The following CACNA1E variants were observed in gnomAD, a reference collection of about 807,000 sequenced individuals.
CACNA1E encodes the protein voltage-dependent R-type calcium channel subunit alpha-1E.
A neutral mutation model predicts 259.2 loss-of-function variants in CACNA1E; 40 were observed. The observed-to-expected ratio is 0.15, with a 90% CI of 0.12 to 0.20. CACNA1E has a LOEUF of 0.20. Ranked by LOEUF, CACNA1E falls within the 10% of genes least tolerant of loss-of-function variation. CACNA1E has a pLI of 1.00. For missense variants in CACNA1E, 1,874 were observed against 3,040.1 expected (o/e 0.62, Z 9.02); for synonymous variants, 1,104 against 1,138.5 (o/e 0.97, Z 0.61).
At chr1:181,344,308 C>T (rs749178178) in intron 1 of CACNA1E, among the ~76,000 whole-genome samples, 6 of 152,206 alleles carry the variant, frequency 3.9e-5, no homozygotes, top group South Asian at 2.1e-4. Context: ...TACTTCCGTA[C>T]GCATTCCAGG....
At position 181,716,030 on chromosome 1, in the gene CACNA1E, C is replaced by G; in HGVS notation, c.1226-10C>G. ...TGGCCTCTCACTGGTCTTCCCTTTC[C>G]CTGATGCAGTGCTTCGAAGGGCAAC... On this transcript the variant is annotated splice_polypyrimidine_tract_variant and intron_variant, in intron 9 of 47. Transcript: ENST00000367573. The G allele has an allele frequency of 1.9e-6, 3 of 1,556,692 alleles. No individual in the cohort carries two copies. The highest frequency in any genetic ancestry group is 2.6e-6 in the Non-Finnish European group (3 of 1,148,702).
At chr1:181,742,356 T>C (rs1481333021) in intron 25 of CACNA1E, among the ~76,000 whole-genome samples, 2 of 152,202 alleles carry the variant, frequency 1.3e-5, no homozygotes, top group African/African-American at 2.4e-5. Context: ...AATGTGGGGT[T>C]GTCTGCAGGC....
At chr1:181,726,680 A>C (rs1418151192) in intron 18 of CACNA1E, among the ~76,000 whole-genome samples, 2 of 152,242 alleles carry the variant, frequency 1.3e-5, no homozygotes, top group African/African-American at 4.8e-5. Context: ...AAATCACAAG[A>C]GGACTTCAAG....
chr1:181,483,651 GCT>G lies in CACNA1E; in HGVS notation c.-91_-90del. 1 of 839,200 alleles carries G rather than the reference GCT, an allele frequency of 1.2e-6. No individual in the cohort carries two copies. Among genetic ancestry groups the G allele is most frequent in the Non-Finnish European group, 1.8e-6 (1 of 566,952 alleles). 52.0% of individuals were successfully genotyped at this position (839,200 alleles called of 1,614,324 possible). A position where few individuals can be genotyped will look rare whatever the true frequency, so the allele number is the denominator to read the frequency against. On this transcript the variant is annotated 5_prime_UTR_variant, in exon 1 of 48. An upstream open reading frame in the 5' UTR loses its in-frame stop. Coordinates refer to ENST00000367573, the MANE Select transcript of CACNA1E (RefSeq NM_001205293.3). ...TGGTCCCCGTGCTTGTCTGGATGCG[GCT>G]CTGAGTCTCCGTGTGTCTTTCTGCT...
At chr1:181,366,800 T>G (rs554157170) in intron 1 of CACNA1E, among the ~76,000 whole-genome samples, 1 of 152,178 alleles carries the variant, frequency 6.6e-6, no homozygotes, top group Non-Finnish European at 1.5e-5. Flanking sequence ...GAGTGATAGA[T>G]TAATACTGAT....
At chr1:181,689,852 T>C (rs568729291) in intron 7 of CACNA1E, among the ~76,000 whole-genome samples, 1 of 152,314 alleles carries the variant, frequency 6.6e-6, no homozygotes, top group South Asian at 2.1e-4. Flanking sequence ...TTTGTTTAAG[T>C]TCTTTGTAGA....
chr1:181,626,674 G>A (rs956065975), intron 6 of CACNA1E, among the ~76,000 whole-genome samples: 16 of 152,214 alleles, frequency 1.1e-4, no homozygotes, highest in African/African-American at 3.6e-4. Context: ...AGGAAGTATA[G>A]GTAGTGTAAG....
chr1:181,795,601 C>T (rs537555902), intron 46 of CACNA1E, among the ~76,000 whole-genome samples: 9 of 151,560 alleles, frequency 5.9e-5, no homozygotes, highest in Admixed American at 4.6e-4. Context: ...CCACCGTGCC[C>T]GGCTAATTTT....
At chr1:181,449,381 G>A (rs954815870) in intron 2 of CACNA1E, among the ~76,000 whole-genome samples, 8 of 152,110 alleles carry the variant, frequency 5.3e-5, no homozygotes, top group African/African-American at 1.4e-4. Flanking sequence ...TAATGTGATC[G>A]GCTTATGTCC....
At chr1:181,652,915 ATG>A (rs1294137442) in intron 7 of CACNA1E, among the ~76,000 whole-genome samples, 2 of 152,010 alleles carry the variant, frequency 1.3e-5, no homozygotes, top group Non-Finnish European at 2.9e-5. Context: ...TACAAACTGA[ATG>A]TGCGTAGTCC....
Position 181,569,604 on chromosome 1 carries a change from T to A in CACNA1E, c.513-8162T>A, listed in dbSNP as rs536953916. Among the ~76,000 whole-genome samples the A allele has an allele frequency of 3.9e-5, 6 of 152,382 alleles. No individual in the cohort carries two copies. In the South Asian group the frequency reaches 1.2e-3, roughly 32 times the overall value. ...CATGTGTAATTCAGTAGATTTTTGA[T>A]AGATCATAATTACTTACACATGTGG... On this transcript the variant is annotated intron_variant, in intron 3 of 47. Transcript: ENST00000367573.
In CACNA1E at chr1:181,733,536, G is replaced by T; in HGVS notation, c.3048G>T (p.Gly1016=). 1 of 1,611,944 alleles carries T rather than the reference G, an allele frequency of 6.2e-7. No homozygotes were observed. The highest frequency in any genetic ancestry group is 8.5e-7 in the Non-Finnish European group (1 of 1,178,866). Residue 1016 remains glycine (G), a synonymous_variant, in exon 21 of 48, where the codon GGG becomes GGT. Coordinates refer to ENST00000367573, the MANE Select transcript of CACNA1E (RefSeq NM_001205293.3). ...TGCCCCATCCTGAGCTGGAAGTGGG[G>T]AAGCACGTGGTGCTGACGGAGCAGG... ...LVLPHPELEV[G]KHVVLTEQEP... is the part of the protein sequence containing the mutation.
Position 181,783,671 on chromosome 1 carries a change from T to C in CACNA1E, c.5365-8T>C. 6.4e-7 allele frequency: 1 copy of C among 1,550,576 alleles called. No homozygotes were observed. The highest frequency in any genetic ancestry group is 8.8e-7 in the Non-Finnish European group (1 of 1,129,988). Reference sequence around the variant, plus strand: ...TTGCCTGCTGTTTCTTTTTTCTCTTTCACACAGAGGTTGGTCCTGATGAAC... The same window carrying C: ...TTGCCTGCTGTTTCTTTTTTCTCTTCCACACAGAGGTTGGTCCTGATGAAC... On this transcript the variant is annotated splice_region_variant and splice_polypyrimidine_tract_variant and intron_variant, in intron 39 of 47. Transcript: ENST00000367573.
intron 3 of CACNA1E, among the ~76,000 whole-genome samples, chr1:181,536,374 A>G (rs1458484989): frequency 1.3e-5 from 2 of 152,122 alleles, no homozygotes; most frequent in South Asian, 2.1e-4. Context: ...AGTTTTTCAC[A>G]TCTCAAATTC....
At position 181,779,797 on chromosome 1, in the gene CACNA1E, T is replaced by C. The variant is rs536473764; in HGVS notation, c.5268-1630T>C. Reference sequence around the variant, plus strand: ...CGCTCTCTTCACATGCACACACTCATGTATGTGTGTATATGCACATGTACA... The same window carrying C: ...CGCTCTCTTCACATGCACACACTCACGTATGTGTGTATATGCACATGTACA... On this transcript the variant is annotated intron_variant, in intron 38 of 47. Coordinates refer to ENST00000367573, the MANE Select transcript of CACNA1E (RefSeq NM_001205293.3). Among the ~76,000 whole-genome samples the C allele has an allele frequency of 2.9e-5, 4 of 139,472 alleles. No individual in the cohort carries two copies. In the South Asian group the frequency reaches 9.9e-4, roughly 34 times the overall value. The allele number at this position is 139,472 out of a possible 152,430, so 91.5% of individuals were successfully genotyped here.
chr1:181,798,874 G>A lies in CACNA1E; in HGVS notation c.*40G>A. The A allele has an allele frequency of 2.0e-6, 3 of 1,464,772 alleles. No individual in the cohort carries two copies. The highest frequency in any genetic ancestry group is 2.7e-6 in the Non-Finnish European group (3 of 1,111,356). The allele number at this position is 1,464,772 out of a possible 1,614,324, so 90.7% of individuals were successfully genotyped here. A position where few individuals can be genotyped will look rare whatever the true frequency, so the allele number is the denominator to read the frequency against. On this transcript the variant is annotated 3_prime_UTR_variant, in exon 48 of 48. Coordinates refer to ENST00000367573, the MANE Select transcript of CACNA1E (RefSeq NM_001205293.3). This position sits in a 1 kb window ranked among gnomAD's most constrained non-coding sequence, Gnocchi z 4.2. Reference sequence around the variant, plus strand: ...TCCGATGCATGCTCTTCTCTCACATGGAGAAAACCAAGACAGAATTGGGAA... The same window carrying A: ...TCCGATGCATGCTCTTCTCTCACATAGAGAAAACCAAGACAGAATTGGGAA...
chr1:181,344,439 G>A (rs978009758), intron 1 of CACNA1E, among the ~76,000 whole-genome samples: 1 of 152,214 alleles, frequency 6.6e-6, no homozygotes, highest in African/African-American at 2.4e-5. Flanking sequence ...GTTTGGTGCT[G>A]TCTCTAAAGT....
chr1:181,564,570 C>G lies in CACNA1E; in HGVS notation c.513-13196C>G, dbSNP rs143965048. On this transcript the variant is annotated intron_variant, in intron 3 of 47. Coordinates refer to ENST00000367573, the MANE Select transcript of CACNA1E (RefSeq NM_001205293.3). Reference sequence around the variant, plus strand: ...CATAAGAGTTGGAATCAACTTCTTCCAAATTCTTGTTTATGTTGGTCTTTT... The same window carrying G: ...CATAAGAGTTGGAATCAACTTCTTCGAAATTCTTGTTTATGTTGGTCTTTT... Among the ~76,000 whole-genome samples, 168 of 152,230 alleles carry G rather than the reference C, an allele frequency of 1.1e-3. 2 individuals are homozygous for G. The East Asian group carries it at 0.029, about 26-fold the overall frequency.
chr1:181,804,821 T>G lies in CACNA1E; in HGVS notation c.*5987T>G, dbSNP rs1301196564. ...CAGCATTGCTATAAGCATTTGATTTTTTTTAAGGAAACTTCCTGTTTAATG... is the reference window on the plus strand; with the variant it reads ...CAGCATTGCTATAAGCATTTGATTTGTTTTAAGGAAACTTCCTGTTTAATG... On this transcript the variant is annotated 3_prime_UTR_variant, in exon 48 of 48. Coordinates refer to ENST00000367573, the MANE Select transcript of CACNA1E (RefSeq NM_001205293.3). The G allele has an allele frequency of 6.6e-6, 1 of 152,070 alleles. No individual in the cohort carries two copies. Among genetic ancestry groups the G allele is most frequent in the Non-Finnish European group, 1.5e-5 (1 of 68,012 alleles). 9.4% of individuals were successfully genotyped at this position (152,070 alleles called of 1,614,324 possible).
Sources: gnomAD v4.1 joint callset for allele counts (sites outside exome capture counted in the v4.1 genomes callset) on GRCh38, gnomAD v4.1.1 for gene constraint, Gnocchi (gnomAD v3.1) non-coding constraint, MANE v1.5 for transcripts, NCBI Gene and HGNC (gene_info 2026-07-23, HGNC 2026-07-21) for gene names.